Variants in TEC observed in about 807,000 individuals in gnomAD.
The protein encoded by TEC is tec protein tyrosine kinase.
In TEC, 72 loss-of-function variants were observed where a neutral mutation model predicts 93.0. The observed-to-expected ratio is 0.77, with a 90% CI of 0.64 to 0.94. The LOEUF is 0.94. Among genes scored for constraint, TEC ranks in the 40% least tolerant of loss-of-function variants. The probability of loss-of-function intolerance (pLI) is 0.00; values close to 1 mark genes in which losing one functional copy is unlikely to be tolerated. For synonymous variants in TEC, 249 were observed against 247.7 expected (o/e 1.01, Z -0.05); for missense variants, 630 against 757.9 (o/e 0.83, Z 1.98).
chr4:48,216,066 T>C (rs1304425488), intron 2 of TEC, among the ~76,000 whole-genome samples: 1 of 152,220 alleles, frequency 6.6e-6, no homozygotes, highest in Non-Finnish European at 1.5e-5. Flanking sequence ...TGTAATTATT[T>C]GCTTTATAAA....
intron 2 of TEC, among the ~76,000 whole-genome samples, chr4:48,220,095 T>TTTATGTCATGGTTCAC (rs1723208743): frequency 6.6e-6 from 1 of 151,488 alleles, no homozygotes. Context: ...ACAACATACA[T>TTTATGTCATGGTTCAC]AAATCCTAAA....
chr4:48,188,860 G>A (rs1295731845), intron 2 of TEC, among the ~76,000 whole-genome samples: 4 of 151,852 alleles, frequency 2.6e-5, no homozygotes, highest in Admixed American at 2.0e-4. Context: ...AATATAACAA[G>A]GTGTGTGTGT....
At chr4:48,232,000 C>G (rs928754463) in intron 1 of TEC, among the ~76,000 whole-genome samples, 1 of 151,990 alleles carries the variant, frequency 6.6e-6, no homozygotes. Flanking sequence ...AAAAAATCAC[C>G]TTATCTGTCC....
chr4:48,209,081 C>A (rs1391935504), intron 2 of TEC, among the ~76,000 whole-genome samples: 2 of 152,214 alleles, frequency 1.3e-5, no homozygotes, highest in South Asian at 2.1e-4. Flanking sequence ...TCCTCCACCA[C>A]TCCCCATCAA....
intron 2 of TEC, among the ~76,000 whole-genome samples, chr4:48,225,542 G>A (rs1426649197): frequency 6.6e-6 from 1 of 152,024 alleles, no homozygotes; most frequent in African/African-American, 2.4e-5. Context: ...ATTGATCCAC[G>A]GCAAACAGTG....
chr4:48,253,144 T>C (rs773705581), intron 1 of TEC, among the ~76,000 whole-genome samples: 1 of 152,222 alleles, frequency 6.6e-6, no homozygotes, highest in Non-Finnish European at 1.5e-5. Context: ...GCTTACATAA[T>C]GTAAGTCATT....
intron 1 of TEC, among the ~76,000 whole-genome samples, chr4:48,252,498 G>A (rs1724230232): frequency 6.6e-6 from 1 of 152,202 alleles, no homozygotes; most frequent in African/African-American, 2.4e-5. Context: ...CCCTGGTTCT[G>A]CAACTAACTA....
chr4:48,251,297 C>G (rs1346598208), intron 1 of TEC, among the ~76,000 whole-genome samples: 1 of 152,146 alleles, frequency 6.6e-6, no homozygotes, highest in Admixed American at 6.6e-5. Flanking sequence ...TTCTCTCTAC[C>G]TGGAAGAGTG....
chr4:48,202,934 T>C (rs1373470485), intron 2 of TEC, among the ~76,000 whole-genome samples: 2 of 152,068 alleles, frequency 1.3e-5, no homozygotes, highest in Non-Finnish European at 2.9e-5. Flanking sequence ...AATGGGAAAA[T>C]AACTATGCAA....
At chr4:48,165,759 A>C (rs1169654830) in intron 7 of TEC, among the ~76,000 whole-genome samples, 1 of 152,220 alleles carries the variant, frequency 6.6e-6, no homozygotes, top group African/African-American at 2.4e-5. Context: ...TCAATAAATC[A>C]AAAATGTAGA....
At chr4:48,258,503 T>C (rs1724405302) in intron 1 of TEC, among the ~76,000 whole-genome samples, 1 of 152,174 alleles carries the variant, frequency 6.6e-6, no homozygotes, top group Non-Finnish European at 1.5e-5. Flanking sequence ...TTTAGCTTTT[T>C]CATGTCCCAA....
At chr4:48,160,588 G>A (rs1258256863) in intron 8 of TEC, among the ~76,000 whole-genome samples, 1 of 151,862 alleles carries the variant, frequency 6.6e-6, no homozygotes, top group Non-Finnish European at 1.5e-5. Context: ...TGAGCTGGGT[G>A]TGGTAGTGGG....
intron 9 of TEC, among the ~76,000 whole-genome samples, chr4:48,154,597 A>G (rs1720318817): frequency 6.6e-6 from 1 of 152,174 alleles, no homozygotes; most frequent in Non-Finnish European, 1.5e-5. Context: ...AGAAAAAGTA[A>G]TTTTTTCTAG....
chr4:48,158,334 T>C (rs1181217311), intron 8 of TEC, among the ~76,000 whole-genome samples: 2 of 152,234 alleles, frequency 1.3e-5, no homozygotes, highest in Admixed American at 1.3e-4. Context: ...TCGGAGGTGT[T>C]GAACCAGGCC....
At chr4:48,204,994 G>C (rs891332490) in intron 2 of TEC, among the ~76,000 whole-genome samples, 2 of 152,190 alleles carry the variant, frequency 1.3e-5, no homozygotes, top group Non-Finnish European at 1.5e-5. Context: ...TGGTGAACTA[G>C]AATGAGCTTC....
intron 1 of TEC, among the ~76,000 whole-genome samples, chr4:48,245,398 G>A (rs1340205734): frequency 1.3e-5 from 2 of 151,572 alleles, no homozygotes; most frequent in Admixed American, 1.3e-4. Flanking sequence ...TCACGTACAC[G>A]TGTATACACA....
chr4:48,245,170 G>C (rs1724020907), intron 1 of TEC, among the ~76,000 whole-genome samples: 1 of 151,920 alleles, frequency 6.6e-6, no homozygotes, highest in Non-Finnish European at 1.5e-5. Context: ...GTGCGTGTCT[G>C]TAATCCCAGC....
At chr4:48,226,276 T>G (rs1723457459) in intron 2 of TEC, among the ~76,000 whole-genome samples, 1 of 152,208 alleles carries the variant, frequency 6.6e-6, no homozygotes, top group African/African-American at 2.4e-5. Flanking sequence ...ACTTCTTTTC[T>G]TAGACTTACT....
At chr4:48,158,390 G>A (rs1189627997) in intron 8 of TEC, among the ~76,000 whole-genome samples, 1 of 152,172 alleles carries the variant, frequency 6.6e-6, no homozygotes, top group African/African-American at 2.4e-5. Flanking sequence ...TTTATAAAAT[G>A]AGACCAAGTT....
Sources: gnomAD v4.1 joint callset for allele counts (sites outside exome capture counted in the v4.1 genomes callset) on GRCh38, gnomAD v4.1.1 for gene constraint, MANE v1.5 for transcripts, NCBI Gene and HGNC (gene_info 2026-07-23, HGNC 2026-07-21) for gene names.